Variants in ESR2 observed in about 807,000 individuals in gnomAD.
The protein encoded by ESR2 is estrogen receptor 2, also known as estrogen receptor beta.
In ESR2, 36 loss-of-function variants were observed where a neutral mutation model predicts 49.6. The observed-to-expected ratio is 0.73, with a 90% CI of 0.56 to 0.96. The LOEUF (loss-of-function observed/expected upper bound fraction) is 0.96. Among genes scored for constraint, ESR2 ranks in the 40% least tolerant of loss-of-function variants. ESR2 has a pLI of 0.00. For synonymous variants in ESR2, 320 were observed against 266.1 expected (o/e 1.20, Z -1.97); for missense variants, 714 against 693.0 (o/e 1.03, Z -0.34).
rs2098731220 is a variant in ESR2 at position 64,235,069 on chromosome 14, G to A, written c.1307C>T (p.Ala436Val). 1 of 1,614,070 alleles carries A rather than the reference G, an allele frequency of 6.2e-7. No individual in the cohort carries two copies. The highest frequency in any genetic ancestry group is 1.3e-5 in the African/African-American group (1 of 74,932). Residue 436 changes from alanine (A) to valine (V), a missense_variant, in exon 8 of 9, where the codon GCT becomes GTT. Physicochemically the swap from Ala to Val is moderately conservative, Grantham distance 64. Transcript: ENST00000341099. Reference protein sequence around the residue: ...LAHLLNAVTDALVWVIAKSGI... With the variant: ...LAHLLNAVTDVLVWVIAKSGI... ...GCTCTTGGCAATCACCCAAACCAAAGCATCGGTCACGGCGTTCAGCAAGTG... is the reference window on the plus strand; with the variant it reads ...GCTCTTGGCAATCACCCAAACCAAAACATCGGTCACGGCGTTCAGCAAGTG...
chr14:64,321,583 T>C (rs1268162660), intron 1 of ESR2, among the ~76,000 whole-genome samples: 2 of 152,186 alleles, frequency 1.3e-5, no homozygotes, highest in African/African-American at 2.4e-5. Context: ...GATGGACCAT[T>C]ATGTCCCCAA....
intron 1 of ESR2, among the ~76,000 whole-genome samples, chr14:64,283,281 T>C (rs528539052): frequency 6.6e-6 from 1 of 152,316 alleles, no homozygotes; most frequent in East Asian, 1.9e-4. Flanking sequence ...CTTCATTGCT[T>C]GTTTGTTTAA....
At chr14:64,249,210 G>A (rs1003229797) in intron 7 of ESR2, among the ~76,000 whole-genome samples, 1 of 152,222 alleles carries the variant, frequency 6.6e-6, no homozygotes, top group Middle Eastern at 3.4e-3. Context: ...CCAGACATAA[G>A]TATAAATGCA....
At chr14:64,318,844 G>A (rs1037127846) in intron 1 of ESR2, among the ~76,000 whole-genome samples, 43 of 151,936 alleles carry the variant, frequency 2.8e-4, no homozygotes, top group Non-Finnish European at 2.9e-5. Flanking sequence ...AGAGTTCAAG[G>A]CCAGCCTGGG....
intron 1 of ESR2, among the ~76,000 whole-genome samples, chr14:64,333,604 G>A (rs2077490366): frequency 1.3e-5 from 2 of 152,150 alleles, no homozygotes; most frequent in Admixed American, 1.3e-4. Flanking sequence ...TCACAATCAT[G>A]GCAGGTGAAA....
intron 5 of ESR2, chr14:64,260,156 G>A (rs2076182423): frequency 3.1e-6 from 2 of 641,320 alleles, no homozygotes; most frequent in Admixed American, 3.8e-5. Flanking sequence ...GGGAAAAGAA[G>A]GCAGTCAAGA....
At chr14:64,265,369 C>G (rs2076307825) in intron 4 of ESR2, among the ~76,000 whole-genome samples, 1 of 152,220 alleles carries the variant, frequency 6.6e-6, no homozygotes, top group African/African-American at 2.4e-5. Flanking sequence ...AGCTACCCTA[C>G]AGTACAGGAA....
chr14:64,327,268 T>C (rs766247195), intron 1 of ESR2, among the ~76,000 whole-genome samples: 48 of 152,142 alleles, frequency 3.2e-4, no homozygotes, highest in Non-Finnish European at 3.7e-4. Context: ...TTTTAAAATA[T>C]ATATATAGTT....
chr14:64,325,907 T>C (rs1294165935), intron 1 of ESR2, among the ~76,000 whole-genome samples: 1 of 152,206 alleles, frequency 6.6e-6, no homozygotes, highest in Non-Finnish European at 1.5e-5. Flanking sequence ...ACTGTTTATA[T>C]TACTGGTAAG....
At chr14:64,326,914 G>T (rs773367086) in intron 1 of ESR2, among the ~76,000 whole-genome samples, 2 of 152,184 alleles carry the variant, frequency 1.3e-5, no homozygotes, top group Non-Finnish European at 2.9e-5. Flanking sequence ...AGGAACCATG[G>T]CTTCCTTCTA....
intron 8 of ESR2, 45 bp downstream of exon 8, chr14:64,234,925 A>G (rs778636549): frequency 1.9e-6 from 3 of 1,598,676 alleles, no homozygotes; most frequent in African/African-American, 1.3e-5. Context: ...TGGAGCACAT[A>G]ATCCCATCCC....
chr14:64,296,407 C>T (rs2076958961), upstream of ESR2, among the ~76,000 whole-genome samples: 1 of 152,192 alleles, frequency 6.6e-6, no homozygotes, highest in South Asian at 2.1e-4. Context: ...ACATTTATGC[C>T]CCGCTTTCTC....
At chr14:64,275,396 A>G (rs1304118248) in intron 3 of ESR2, among the ~76,000 whole-genome samples, 3 of 151,626 alleles carry the variant, frequency 2.0e-5, no homozygotes, top group African/African-American at 4.9e-5. Flanking sequence ...AAGTATAGCC[A>G]CTCCTGCTCT....
intron 1 of ESR2, among the ~76,000 whole-genome samples, chr14:64,310,316 T>TAATAATAATAATAATAAA (rs2077173029): frequency 6.7e-6 from 1 of 149,752 alleles, no homozygotes. Flanking sequence ...ATAATAATAA[T>TAATAATAATAATAATAAA]AATTCTGGGT....
chr14:64,264,789 A>G (rs2076293606), intron 4 of ESR2, among the ~76,000 whole-genome samples: 1 of 151,750 alleles, frequency 6.6e-6, no homozygotes, highest in African/African-American at 2.4e-5. Context: ...GGGAGAATCA[A>G]TTGAGCCCGA....
At chr14:64,336,368 T>G (rs2077532121) in intron 1 of ESR2, 2 of 152,216 alleles carry the variant, frequency 1.3e-5, no homozygotes, top group Admixed American at 1.3e-4. Context: ...TTACTAACTT[T>G]ATGTATAAAT....
At chr14:64,317,523 C>T (rs911566721) in intron 1 of ESR2, among the ~76,000 whole-genome samples, 4 of 152,072 alleles carry the variant, frequency 2.6e-5, no homozygotes, top group South Asian at 4.1e-4. Context: ...AACCAGATCT[C>T]GTGAGAACTC....
intron 1 of ESR2, among the ~76,000 whole-genome samples, chr14:64,300,260 T>C (rs1464889467): frequency 6.6e-6 from 1 of 152,230 alleles, no homozygotes; most frequent in Non-Finnish European, 1.5e-5. Flanking sequence ...GATGCACACC[T>C]GCCTCCTTGC....
chr14:64,246,542 C>A (rs2075859214), intron 7 of ESR2, among the ~76,000 whole-genome samples: 1 of 151,716 alleles, frequency 6.6e-6, no homozygotes, highest in Non-Finnish European at 1.5e-5. Flanking sequence ...AGTGTGAGAA[C>A]AGACTAATAT....
Sources: allele counts gnomAD v4.1 joint callset (sites outside exome capture counted in the v4.1 genomes callset), GRCh38; gene constraint gnomAD v4.1.1; transcripts MANE v1.5; gene names NCBI Gene and HGNC (gene_info 2026-07-23, HGNC 2026-07-21).